Variants in ARHGAP8 observed in about 807,000 individuals in gnomAD.
The protein encoded by ARHGAP8 is Rho GTPase activating protein 8, also known as rho GTPase-activating protein 8.
Under a neutral mutation model 46.1 loss-of-function variants are expected in ARHGAP8, and 62 were observed. The ratio of observed to expected loss-of-function variants is 1.34; its 90% CI spans 1.10 to 1.66. The LOEUF (loss-of-function observed/expected upper bound fraction) is 1.66. Ranked by LOEUF, ARHGAP8 falls within the 40% of genes most tolerant of loss-of-function variation. The pLI is 0.00. For missense variants in ARHGAP8, 923 were observed against 568.4 expected (o/e 1.62, Z -6.34); for synonymous variants, 375 against 243.1 (o/e 1.54, Z -5.05).
intron 11 of ARHGAP8, 120 bp from the exon 12 acceptor site, chr22:44,862,155 G>C: frequency 8.1e-7 from 1 of 1,242,104 alleles, no homozygotes; most frequent in Non-Finnish European, 1.1e-6. Context: ...ACTGGCTGCC[G>C]GCTCCCAGTC....
chr22:44,772,457 T>C (rs1926109382), intron 1 of ARHGAP8, among the ~76,000 whole-genome samples: 1 of 151,320 alleles, frequency 6.6e-6, no homozygotes, highest in Admixed American at 6.6e-5. Context: ...CCCAAAGTGC[T>C]GAGATTACAG....
At chr22:44,778,509 G>A (rs1001269137) in intron 1 of ARHGAP8, among the ~76,000 whole-genome samples, 2 of 152,098 alleles carry the variant, frequency 1.3e-5, no homozygotes, top group Non-Finnish European at 2.9e-5. Flanking sequence ...GATCTTTTTT[G>A]TATAATGACT....
intron 10 of ARHGAP8, among the ~76,000 whole-genome samples, chr22:44,852,245 G>A (rs1282641840): frequency 6.7e-6 from 1 of 149,372 alleles, no homozygotes; most frequent in Non-Finnish European, 1.5e-5. Context: ...GTGAAGGAAG[G>A]TGAAGACATG....
intron 4 of ARHGAP8, among the ~76,000 whole-genome samples, chr22:44,810,210 G>A (rs1009653924): frequency 6.6e-6 from 1 of 151,718 alleles, no homozygotes; most frequent in Non-Finnish European, 1.5e-5. Flanking sequence ...TCCCTTGCAG[G>A]TGGGAAAGGA....
At chr22:44,847,145 C>T (rs1212753595) in intron 8 of ARHGAP8, among the ~76,000 whole-genome samples, 3 of 152,228 alleles carry the variant, frequency 2.0e-5, no homozygotes, top group African/African-American at 7.2e-5. Flanking sequence ...GGGGCACCCC[C>T]ATCATGCACC....
intron 3 of ARHGAP8, 119 bp downstream of exon 3, chr22:44,802,283 C>G: frequency 1.5e-6 from 2 of 1,315,630 alleles, no homozygotes; most frequent in Non-Finnish European, 2.1e-6. Flanking sequence ...TGTGACCTTG[C>G]TGGTGTGCAG....
intron 7 of ARHGAP8, among the ~76,000 whole-genome samples, chr22:44,828,392 C>G (rs1930685280): frequency 6.6e-6 from 1 of 150,708 alleles, no homozygotes; most frequent in Admixed American, 6.6e-5. Context: ...GGTGAGAACT[C>G]AGCCCTTGAC....
Position 44,845,453 on chromosome 22 carries a change from G to A in ARHGAP8, c.670+111G>A, listed in dbSNP as rs965787751. The A allele has an allele frequency of 6.2e-6, 9 of 1,455,298 alleles. No individual in the cohort carries two copies. In the African/African-American group the frequency reaches 1.3e-4, roughly 20 times the overall value. 90.1% of individuals were successfully genotyped at this position (1,455,298 alleles called of 1,614,324 possible). A position where few individuals can be genotyped will look rare whatever the true frequency, so the allele number is the denominator to read the frequency against. On this transcript the variant is annotated intron_variant, in intron 8 of 11. Transcript: ENST00000356099. The stretch of plus-strand genomic sequence containing the variant: ...ACAAGCCAGGGGGTGTGACCAGGAA[G>A]GGAGGGGCTCAAGCACAGTGGCTCC...
At chr22:44,769,197 G>A (rs574725809) in intron 1 of ARHGAP8, among the ~76,000 whole-genome samples, 2 of 152,272 alleles carry the variant, frequency 1.3e-5, no homozygotes, top group African/African-American at 4.8e-5. Flanking sequence ...TGAGCATCCT[G>A]TTCTCCATCA....
intron 1 of ARHGAP8, among the ~76,000 whole-genome samples, chr22:44,779,096 A>ACTT (rs199637025): frequency 0.033 from 994 of 30,038 alleles, 27 homozygotes; most frequent in Non-Finnish European, 0.053. Context: ...TTGGTCTCTG[A>ACTT]CTTTTTTTTT....
intron 8 of ARHGAP8, among the ~76,000 whole-genome samples, chr22:44,846,940 G>A (rs2069972153): frequency 1.3e-5 from 2 of 152,200 alleles, no homozygotes; most frequent in South Asian, 2.1e-4. Flanking sequence ...TCTGAGGACG[G>A]GGAGAAGCTG....
rs542475195 is a variant in ARHGAP8 at position 44,861,294 on chromosome 22, G to C, written c.982-981G>C. Among the ~76,000 whole-genome samples the C allele has an allele frequency of 4.6e-5, 7 of 152,286 alleles. No homozygotes were observed. The South Asian group carries it at 1.5e-3, about 32-fold the overall frequency. ...AGCCTACTTCTTTTTCATTAGGAGA[G>C]ACTGATTTCTCTCTCTAGCCGCCAC... is the stretch of plus-strand genomic sequence containing the variant. On this transcript the variant is annotated intron_variant, in intron 11 of 11. Transcript: ENST00000356099.
intron 11 of ARHGAP8, among the ~76,000 whole-genome samples, chr22:44,861,362 T>G (rs1282242342): frequency 1.3e-5 from 2 of 152,162 alleles, no homozygotes; most frequent in Admixed American, 6.5e-5. Flanking sequence ...GGGTGTGGTG[T>G]TGCGTGTTAT....
intron 5 of ARHGAP8, among the ~76,000 whole-genome samples, chr22:44,820,226 C>G (rs1331955616): frequency 6.6e-6 from 1 of 152,158 alleles, no homozygotes. Context: ...AGAGGAGAGG[C>G]AAGTGGCAGG....
intron 1 of ARHGAP8, among the ~76,000 whole-genome samples, chr22:44,775,272 C>A (rs1052730420): frequency 3.9e-5 from 6 of 152,184 alleles, no homozygotes; most frequent in African/African-American, 1.4e-4. Context: ...CTGGCCTGGG[C>A]CTATGGGTCA....
intron 5 of ARHGAP8, among the ~76,000 whole-genome samples, chr22:44,816,063 G>C (rs914640690): frequency 6.6e-6 from 1 of 152,122 alleles, no homozygotes; most frequent in Non-Finnish European, 1.5e-5. Flanking sequence ...TGGGGACAGG[G>C]AGGCGCATCC....
At chr22:44,764,053 C>G (rs972062525) in intron 1 of ARHGAP8, among the ~76,000 whole-genome samples, 4 of 152,048 alleles carry the variant, frequency 2.6e-5, no homozygotes, top group Non-Finnish European at 5.9e-5. Context: ...ACCTCATGAT[C>G]CGCCCACCTC....
intron 3 of ARHGAP8, among the ~76,000 whole-genome samples, chr22:44,807,756 A>T (rs1203304388): frequency 6.6e-6 from 1 of 152,222 alleles, no homozygotes; most frequent in Non-Finnish European, 1.5e-5. Context: ...GGAAGGGAGA[A>T]GCCCTTCCTT....
chr22:44,789,038 T>A (rs1312451998), intron 2 of ARHGAP8, among the ~76,000 whole-genome samples: 2 of 152,238 alleles, frequency 1.3e-5, no homozygotes, highest in African/African-American at 4.8e-5. Context: ...CTGCTCTCAG[T>A]TACTAATGGA....
Sources: gnomAD v4.1 joint callset for allele counts (sites outside exome capture counted in the v4.1 genomes callset) on GRCh38, gnomAD v4.1.1 for gene constraint, MANE v1.5 for transcripts, NCBI Gene and HGNC (gene_info 2026-07-23, HGNC 2026-07-21) for gene names.